CHD2: variants seen among roughly 807,000 people sequenced by gnomAD.
CHD2 encodes the protein ATP-dependent chromatin remodeler CHD2.
A neutral mutation model predicts 243.9 loss-of-function variants in CHD2; 28 were observed. That is an observed-to-expected ratio of 0.11 (90% confidence interval 0.09 to 0.16). The LOEUF is 0.16. Ranked by LOEUF, CHD2 falls within the 10% of genes least tolerant of loss-of-function variation. CHD2 has a pLI of 1.00. For missense variants in CHD2, 1,386 were observed against 2,209.8 expected, an observed-to-expected ratio of 0.63 and a Z score of 7.47; for synonymous variants, 775 against 779.0, an observed-to-expected ratio of 0.99 and a Z score of 0.09.
At chr15:93,003,726 G>T (rs187771202) in intron 33 of CHD2, among the ~76,000 whole-genome samples, 1 of 151,978 alleles carries the variant, frequency 6.6e-6, no homozygotes, top group African/African-American at 2.4e-5. Context: ...AACCACTACT[G>T]TGAAGTGGGT....
At chr15:92,967,200 T>C (rs1036953352) in intron 16 of CHD2, 125 bp from the exon 17 acceptor site, 2 of 646,084 alleles carry the variant, frequency 3.1e-6, no homozygotes, top group African/African-American at 3.7e-5. Flanking sequence ...TTTTCCCTTC[T>C]ATTTAAGAGC....
rs141600374 is a variant in CHD2 at position 93,001,685 on chromosome 15, T to C, written c.4138-492T>C. On this transcript the variant is annotated intron_variant, in intron 32 of 38. Coordinates refer to ENST00000394196, the MANE Select transcript of CHD2 (RefSeq NM_001271.4). ...GCACCTGCCACCACACCTGGCTAGT[T>C]TTTGTATTTTTAGAAGAGACAGGGT... 5.3e-3 allele frequency among the ~76,000 whole-genome samples: 801 copies of C among 152,066 alleles called. 3 individuals are homozygous for C. The highest frequency in any genetic ancestry group is 8.7e-3 in the Non-Finnish European group (591 of 67,960).
chr15:93,013,871 G>A (rs1277034551), intron 36 of CHD2, among the ~76,000 whole-genome samples: 1 of 143,378 alleles, frequency 7.0e-6, no homozygotes, highest in Non-Finnish European at 1.5e-5. Context: ...GGAGGTGGAG[G>A]TAGCAGTGAG....
chr15:92,925,104 A>G (rs1040001920), intron 3 of CHD2, among the ~76,000 whole-genome samples: 1 of 152,120 alleles, frequency 6.6e-6, no homozygotes, highest in African/African-American at 2.4e-5. Flanking sequence ...CCCAGCCTAA[A>G]ATATATTTTT....
At chr15:92,922,427 C>T (rs982705005) in intron 2 of CHD2, among the ~76,000 whole-genome samples, 2 of 152,110 alleles carry the variant, frequency 1.3e-5, no homozygotes, top group African/African-American at 4.8e-5. Flanking sequence ...GTATTGAGAA[C>T]CTCCCCTCGA....
chr15:92,932,600 A>G (rs2053192095), intron 5 of CHD2, among the ~76,000 whole-genome samples: 2 of 152,144 alleles, frequency 1.3e-5, no homozygotes, highest in South Asian at 4.1e-4. Flanking sequence ...AGCTTCATCC[A>G]TGTCCTTACA....
chr15:92,992,731 A>G, intron 27 of CHD2, 128 bp from the exon 28 acceptor site: 1 of 1,107,692 alleles, frequency 9.0e-7, no homozygotes, highest in East Asian at 2.4e-5. Flanking sequence ...CCTTAGAATG[A>G]CCACTAAAGG....
chr15:92,988,985 A>G (rs1235186577), intron 26 of CHD2, among the ~76,000 whole-genome samples: 2 of 127,010 alleles, frequency 1.6e-5, no homozygotes, highest in South Asian at 2.4e-4. Flanking sequence ...GATGGTTTCT[A>G]TTACCTGCTT....
At chr15:92,994,311 G>C (rs1276139778) in intron 28 of CHD2, among the ~76,000 whole-genome samples, 1 of 152,146 alleles carries the variant, frequency 6.6e-6, no homozygotes, top group Non-Finnish European at 1.5e-5. Context: ...TTTAGCAATG[G>C]CGTCTGGCTT....
In CHD2 at chr15:92,905,058, T is replaced by A. The variant is rs1437328141; in HGVS notation, c.62+3759T>A. ...ATTTAAGATTCACAGTGGGATAGTTTAGTAGAAAATAGAAAATTTCACGTT... is the reference window on the plus strand; with the variant it reads ...ATTTAAGATTCACAGTGGGATAGTTAAGTAGAAAATAGAAAATTTCACGTT... On this transcript the variant is annotated intron_variant, in intron 2 of 38. Coordinates refer to ENST00000394196, the MANE Select transcript of CHD2 (RefSeq NM_001271.4). 2.1e-6 allele frequency: 3 copies of A among 1,451,582 alleles called. No individual in the cohort carries two copies. The East Asian group carries it at 7.5e-5, about 36-fold the overall frequency. The allele number at this position is 1,451,582 out of a possible 1,614,324, so 89.9% of individuals were successfully genotyped here. A position where few individuals can be genotyped will look rare whatever the true frequency, so the allele number is the denominator to read the frequency against.
At position 92,900,495 on chromosome 15, in the gene CHD2, T is replaced by TG; in HGVS notation, c.-398dup. 2.5e-6 allele frequency: 1 copy of TG among 398,716 alleles called. No individual in the cohort carries two copies. Among genetic ancestry groups the TG allele is most frequent in the Non-Finnish European group, 4.4e-6 (1 of 225,928 alleles). 24.7% of individuals were successfully genotyped at this position (398,716 alleles called of 1,614,324 possible). ...ACTGGGGTCGATTCGAACCTTTTTT[T>TG]GGGAGAAAAGCAGCTTTTAGGAGCT... is the stretch of plus-strand genomic sequence containing the variant. On this transcript the variant is annotated 5_prime_UTR_variant, in exon 1 of 39. Coordinates refer to ENST00000394196, the MANE Select transcript of CHD2 (RefSeq NM_001271.4).
Position 93,024,582 on chromosome 15 carries a change from C to T in CHD2, c.5364C>T (p.Arg1788=), listed in dbSNP as rs145582926. Residue 1788 remains arginine, a synonymous_variant, in exon 39 of 39, where the codon CGC becomes CGT. Coordinates refer to ENST00000394196, the MANE Select transcript of CHD2 (RefSeq NM_001271.4). ...PPLHPAVSDP[R]SPPSQKSPHD... ...TGCACCCTGCAGTCTCAGATCCTCGCTCACCCCCTTCTCAGAAATCTCCTC... is the reference window on the plus strand; with the variant it reads ...TGCACCCTGCAGTCTCAGATCCTCGTTCACCCCCTTCTCAGAAATCTCCTC... 3.7e-6 allele frequency: 6 copies of T among 1,614,216 alleles called. No homozygotes were observed. In the African/African-American group the frequency reaches 8.0e-5, roughly 22 times the overall value.
rs148406241 is a variant in CHD2, at chr15:92,994,687, G to A, written c.3595+1689G>A. ...GAAAAACGTATTCCTGTTACTTCTT[G>A]ATGCTTTTGAGAAATGAATAATGTT... On this transcript the variant is annotated intron_variant, in intron 28 of 38. Transcript: ENST00000394196. Among the ~76,000 whole-genome samples the A allele has an allele frequency of 3.0e-3, 463 of 152,290 alleles. 2 individuals are homozygous for A. Among genetic ancestry groups the A allele is most frequent in the African/African-American group, 0.011 (440 of 41,578 alleles).
At chr15:92,933,440 A>C (rs541496167) in intron 5 of CHD2, among the ~76,000 whole-genome samples, 2 of 152,282 alleles carry the variant, frequency 1.3e-5, no homozygotes, top group South Asian at 4.1e-4. Context: ...TTGAGATTGT[A>C]ATCTCTGACT....
chr15:92,901,323 T>A, intron 2 of CHD2, 24 bp downstream of exon 2: 1 of 1,480,222 alleles, frequency 6.8e-7, no homozygotes, highest in Non-Finnish European at 9.4e-7. Context: ...ACTTTCTTCC[T>A]TTTTGTCTTT....
At chr15:92,901,777 A>T in intron 2 of CHD2, 1 of 255,496 alleles carries the variant, frequency 3.9e-6, no homozygotes, top group Non-Finnish European at 7.3e-6. Context: ...TCAGAAAGTT[A>T]TATGAATGAA....
Position 93,024,672 on chromosome 15 carries a change from C to T in CHD2, c.5454C>T (p.Asn1818=). The change falls in exon 39 of 39, where the codon AAC becomes AAT. Residue 1818 remains asparagine (N), a synonymous_variant. Transcript: ENST00000394196. ...PLERSLEQKN[N]PDYNWNVRKT ...AGAGATCACTAGAACAGAAAAACAA[C>T]CCAGATTATAACTGGAATGTTCGGA... 1 of 1,613,068 alleles carries T rather than the reference C, an allele frequency of 6.2e-7. No homozygotes were observed. The highest frequency in any genetic ancestry group is 2.2e-5 in the East Asian group (1 of 44,870).
intron 9 of CHD2, chr15:92,944,042 C>T (rs2053423447): frequency 6.5e-6 from 1 of 153,292 alleles, no homozygotes; most frequent in Non-Finnish European, 1.5e-5. Context: ...TTTAATCAAT[C>T]CTAAAACCCA....
rs539772749 is a variant in CHD2, at chr15:93,007,090, T to A, written c.4414-2055T>A. 2.0e-5 allele frequency among the ~76,000 whole-genome samples: 3 copies of A among 152,334 alleles called. No individual in the cohort carries two copies. The South Asian group carries it at 6.2e-4, about 32-fold the overall frequency. On this transcript the variant is annotated intron_variant, in intron 34 of 38. Transcript: ENST00000394196. ...CAAAAATGGTGGGTCATTCATTAGG[T>A]GTACACATCTGCCACTTTATTAGAT...
Sources: gnomAD v4.1 joint callset for allele counts (sites outside exome capture counted in the v4.1 genomes callset) on GRCh38, gnomAD v4.1.1 for gene constraint, MANE v1.5 for transcripts, NCBI Gene and HGNC (gene_info 2026-07-23, HGNC 2026-07-21) for gene names.